Variants in ATM observed in about 807,000 individuals in gnomAD.
ATM encodes ATM serine/threonine kinase, also known as serine-protein kinase ATM.
Under a neutral mutation model 387.0 loss-of-function variants are expected in ATM, and 308 were observed. The observed-to-expected ratio is 0.80, with a 90% CI of 0.73 to 0.87. The LOEUF (loss-of-function observed/expected upper bound fraction) is 0.87, where lower values mean the gene tolerates loss of function less well. Among genes scored for constraint, ATM ranks in the 40% least tolerant of loss-of-function variants. The pLI is 0.00. For synonymous variants in ATM, 1,156 were observed against 1,187.3 expected, an observed-to-expected ratio of 0.97 and a Z score of 0.54; for missense variants, 3,312 against 3,560.9, an observed-to-expected ratio of 0.93 and a Z score of 1.78.
At chr11:108,288,878 G>C in intron 27 of ATM, 99 bp from the exon 28 acceptor site, 1 of 1,414,504 alleles carries the variant, frequency 7.1e-7, no homozygotes, top group East Asian at 2.3e-5. Context: ...TTTTGAATTT[G>C]GGGGTTATTA....
intron 61 of ATM, among the ~76,000 whole-genome samples, chr11:108,364,265 T>G (rs552298152): frequency 1.3e-5 from 2 of 152,350 alleles, no homozygotes; most frequent in Admixed American, 1.3e-4. Flanking sequence ...AGAATCATTC[T>G]TTATATTGTC....
intron 27 of ATM, among the ~76,000 whole-genome samples, chr11:108,288,501 C>CTTTTTTT (rs35604622): frequency 2.4e-5 from 3 of 126,690 alleles, no homozygotes; most frequent in African/African-American, 6.0e-5. Flanking sequence ...ATATGCTTTA[C>CTTTTTTT]TTTTTTTTTT....
chr11:108,327,339 A>T (rs2085777081), intron 47 of ATM: 1 of 324,522 alleles, frequency 3.1e-6, no homozygotes. Flanking sequence ...CTTATTTAAT[A>T]GGATTCTTGT....
intron 18 of ATM, among the ~76,000 whole-genome samples, chr11:108,269,396 T>C (rs2081447953): frequency 6.6e-6 from 1 of 152,332 alleles, no homozygotes; most frequent in East Asian, 1.9e-4. Context: ...TAATTCCTCT[T>C]CTGCCTTCAC....
chr11:108,368,656 T>G lies in ATM; in HGVS notation c.*3148T>G, dbSNP rs2091453739. On this transcript the variant is annotated 3_prime_UTR_variant, in exon 63 of 63. Transcript: ENST00000675843. ...GCTCAAAAGGTCAATGAAAACCAAA[T>G]AGTGAAGCTATCAGAGAAGCTAATA... 4.6e-6 allele frequency: 1 copy of G among 216,612 alleles called. No homozygotes were observed. Among genetic ancestry groups the G allele is most frequent in the Non-Finnish European group, 9.3e-6 (1 of 107,684 alleles). 13.4% of individuals were successfully genotyped at this position (216,612 alleles called of 1,614,324 possible). A position where few individuals can be genotyped will look rare whatever the true frequency, so the allele number is the denominator to read the frequency against.
intron 61 of ATM, among the ~76,000 whole-genome samples, chr11:108,362,224 A>G (rs1460743864): frequency 6.7e-6 from 1 of 148,166 alleles, no homozygotes; most frequent in Non-Finnish European, 1.5e-5. Context: ...GCCATCAGAG[A>G]AATGCAAATC....
At chr11:108,334,831 A>C in intron 54 of ATM, 138 bp from the exon 55 acceptor site, 1 of 1,006,734 alleles carries the variant, frequency 9.9e-7, no homozygotes, top group East Asian at 2.6e-5. Flanking sequence ...CACCCGGCCT[A>C]AAGTTGTAGT....
At chr11:108,299,533 G>A in intron 33 of ATM, 181 bp from the exon 34 acceptor site, 1 of 542,920 alleles carries the variant, frequency 1.8e-6, no homozygotes, top group South Asian at 1.9e-5. Context: ...CTGACCTCAG[G>A]TGATCCGCCC....
At chr11:108,351,098 C>A (rs1311409055) in intron 59 of ATM, among the ~76,000 whole-genome samples, 1 of 152,110 alleles carries the variant, frequency 6.6e-6, no homozygotes, top group Non-Finnish European at 1.5e-5. Context: ...TAATAACACA[C>A]AATATAGAAG....
At position 108,357,309 on chromosome 11, in the gene ATM, C is replaced by T. The variant is rs530831263; in HGVS notation, c.8850+2435C>T. Among the ~76,000 whole-genome samples, 14 of 152,294 alleles carry T rather than the reference C, an allele frequency of 9.2e-5. 1 individual carries two copies. The South Asian group carries it at 1.7e-3, about 18-fold the overall frequency. On this transcript the variant is annotated intron_variant, in intron 61 of 62. Coordinates refer to ENST00000675843, the MANE Select transcript of ATM (RefSeq NM_000051.4). The stretch of plus-strand genomic sequence containing the variant: ...GGAGGGTCCTACGCCCACGGAGTCT[C>T]GCTGATTGCTAGCACAGCAGTCTGA...
intron 26 of ATM, chr11:108,287,393 A>C (rs1355984382): frequency 2.6e-6 from 1 of 389,938 alleles, no homozygotes; most frequent in Non-Finnish European, 4.5e-6. Context: ...GCTGATTTTC[A>C]TACTTTTTCC....
At chr11:108,328,888 A>G (rs764840631) in intron 48 of ATM, 133 bp from the exon 49 acceptor site, 3 of 1,021,876 alleles carry the variant, frequency 2.9e-6, no homozygotes, top group Non-Finnish European at 4.4e-6. Flanking sequence ...ACAAGTTTGC[A>G]ATAGTTCATA....
At chr11:108,251,224 TAATA>T (rs1387080821) in intron 10 of ATM, 152 bp downstream of exon 10, 2 of 1,126,216 alleles carry the variant, frequency 1.8e-6, no homozygotes, top group Non-Finnish European at 2.5e-6. Flanking sequence ...CGAGAAGACT[TAATA>T]AATGCATAAG....
At chr11:108,363,724 C>T (rs1467645500) in intron 61 of ATM, among the ~76,000 whole-genome samples, 1 of 152,214 alleles carries the variant, frequency 6.6e-6, no homozygotes, top group Non-Finnish European at 1.5e-5. Flanking sequence ...TGTTTCCAAC[C>T]ACTTCTGTCT....
intron 37 of ATM, 105 bp from the exon 38 acceptor site, chr11:108,307,792 C>A: frequency 9.8e-7 from 1 of 1,023,702 alleles, no homozygotes; most frequent in Non-Finnish European, 1.5e-6. Flanking sequence ...AGGTACTGCC[C>A]ACCAGAACCT....
At chr11:108,296,951 A>C (rs1419710069) in intron 32 of ATM, 1 of 323,648 alleles carries the variant, frequency 3.1e-6, no homozygotes, top group Non-Finnish European at 6.0e-6. Context: ...GATGTTAAAA[A>C]GCCAAGCAGG....
At position 108,365,343 on chromosome 11, in the gene ATM, C is replaced by A. The variant is rs540172506; in HGVS notation, c.9006C>A (p.Phe3002Leu). ...KRNLSDIDQS[F>L]NKVAERVLMR... ...TCCTTAGTGATATTGACCAGAGTTTCAACAAAGTAGCTGAACGTGTCTTAA... is the reference window on the plus strand; with the variant it reads ...TCCTTAGTGATATTGACCAGAGTTTAAACAAAGTAGCTGAACGTGTCTTAA... Residue 3002 changes from phenylalanine (F) to leucine (L), a missense_variant, in exon 63 of 63, where the codon TTC becomes TTA. Transcript: ENST00000675843. The A allele has an allele frequency of 1.2e-6, 2 of 1,614,044 alleles. No individual in the cohort carries two copies. The highest frequency in any genetic ancestry group is 1.7e-6 in the Non-Finnish European group (2 of 1,180,030).
At chr11:108,276,045 CTTTG>C (rs1292563886) in intron 22 of ATM, among the ~76,000 whole-genome samples, 1 of 152,272 alleles carries the variant, frequency 6.6e-6, no homozygotes, top group Non-Finnish European at 1.5e-5. Context: ...TTCTTGGAGG[CTTTG>C]TTTGTTCCTT....
chr11:108,363,339 CCTTTT>C (rs2091007534), intron 61 of ATM, among the ~76,000 whole-genome samples: 2 of 152,150 alleles, frequency 1.3e-5, no homozygotes, highest in Admixed American at 6.6e-5. Flanking sequence ...GGTGTATTTC[CCTTTT>C]CTTTTCAGTG....
Sources: allele counts gnomAD v4.1 joint callset (sites outside exome capture counted in the v4.1 genomes callset), GRCh38; gene constraint gnomAD v4.1.1; transcripts MANE v1.5; gene names NCBI Gene and HGNC (gene_info 2026-07-23, HGNC 2026-07-21).